The following LRRTM4 variants were observed in gnomAD, a reference collection of about 807,000 sequenced individuals.
LRRTM4 encodes the protein leucine-rich repeat transmembrane neuronal protein 4.
A neutral mutation model predicts 47.6 loss-of-function variants in LRRTM4; 25 were observed. That is an observed-to-expected ratio of 0.53 (90% CI 0.38 to 0.73). LRRTM4 has a LOEUF of 0.73. Among genes scored for constraint, LRRTM4 ranks in the 30% least tolerant of loss-of-function variants. The probability of loss-of-function intolerance (pLI) is 0.00; values close to 1 mark genes in which losing one functional copy is unlikely to be tolerated. For synonymous variants in LRRTM4, 311 were observed against 269.5 expected (o/e 1.15, Z -1.51); for missense variants, 638 against 713.4 (o/e 0.89, Z 1.20).
intron 3 of LRRTM4, among the ~76,000 whole-genome samples, chr2:77,070,137 T>C (rs1400285302): frequency 6.6e-6 from 1 of 152,106 alleles, no homozygotes; most frequent in Non-Finnish European, 1.5e-5. Flanking sequence ...TATTTTATTT[T>C]TGGCAAAAAT....
intron 3 of LRRTM4, among the ~76,000 whole-genome samples, chr2:76,994,607 C>G (rs551437307): frequency 6.6e-6 from 1 of 151,994 alleles, no homozygotes; most frequent in South Asian, 2.1e-4. Flanking sequence ...AATTTCAAAT[C>G]CTGCATCATT....
intron 3 of LRRTM4, among the ~76,000 whole-genome samples, chr2:77,254,498 G>A (rs2104022127): frequency 6.6e-6 from 1 of 151,902 alleles, no homozygotes; most frequent in East Asian, 1.9e-4. Flanking sequence ...AAGGAAGGAT[G>A]AAAAATAGGA....
intron 3 of LRRTM4, among the ~76,000 whole-genome samples, chr2:76,810,005 T>TGGAG (rs1670686439): frequency 6.6e-6 from 1 of 152,202 alleles, no homozygotes; most frequent in Non-Finnish European, 1.5e-5. Context: ...CCATTCTGCT[T>TGGAG]TACATTTCTT....
chr2:77,023,322 CA>C (rs1336043999), intron 3 of LRRTM4, among the ~76,000 whole-genome samples: 1 of 152,150 alleles, frequency 6.6e-6, no homozygotes, highest in Non-Finnish European at 1.5e-5. Context: ...GAGGCTGCCG[CA>C]AAGGTCTCTT....
intron 3 of LRRTM4, among the ~76,000 whole-genome samples, chr2:77,413,078 G>A (rs1210481332): frequency 6.6e-6 from 1 of 152,060 alleles, no homozygotes; most frequent in East Asian, 1.9e-4. Context: ...CAACTATAGG[G>A]GTGATTTGCT....
At chr2:76,963,530 T>A (rs556459749) in intron 3 of LRRTM4, among the ~76,000 whole-genome samples, 2 of 151,072 alleles carry the variant, frequency 1.3e-5, no homozygotes, top group East Asian at 3.9e-4. Flanking sequence ...ATTTAAGAAA[T>A]TCAAATTAAT....
At chr2:77,018,872 C>T (rs545265018) in intron 3 of LRRTM4, among the ~76,000 whole-genome samples, 1 of 152,050 alleles carries the variant, frequency 6.6e-6, no homozygotes, top group South Asian at 2.1e-4. Context: ...CTTTAAGGTA[C>T]AGGAATATTT....
At chr2:77,192,364 G>A (rs1558626889) in intron 3 of LRRTM4, among the ~76,000 whole-genome samples, 1 of 151,658 alleles carries the variant, frequency 6.6e-6, no homozygotes, top group Non-Finnish European at 1.5e-5. Context: ...ACCATAATGA[G>A]CAATTATATT....
In LRRTM4 at chr2:77,142,958, C is replaced by T. The variant is rs181100023; in HGVS notation, c.1551+375360G>A. Among the ~76,000 whole-genome samples the T allele has an allele frequency of 2.1e-4, 32 of 152,218 alleles. No homozygotes were observed. The East Asian group carries it at 4.6e-3, about 22-fold the overall frequency. Reference sequence around the variant, plus strand: ...GTTTTTAGTTCAGGGAGTTGTGCTTCGTTAAAGGATTGCATTCTTCCTATA... The same window carrying T: ...GTTTTTAGTTCAGGGAGTTGTGCTTTGTTAAAGGATTGCATTCTTCCTATA... On this transcript the variant is annotated intron_variant, in intron 3 of 3. Transcript: ENST00000409884.
chr2:77,256,283 C>A (rs1260644800), intron 3 of LRRTM4, among the ~76,000 whole-genome samples: 1 of 152,066 alleles, frequency 6.6e-6, no homozygotes, highest in Non-Finnish European at 1.5e-5. Flanking sequence ...TTTTAAAATA[C>A]TAAAAAATAA....
At chr2:77,511,287 C>G (rs1678977084) in intron 3 of LRRTM4, among the ~76,000 whole-genome samples, 1 of 151,954 alleles carries the variant, frequency 6.6e-6, no homozygotes, top group Non-Finnish European at 1.5e-5. Context: ...CAATTATCAG[C>G]CTGTATTCAA....
intron 3 of LRRTM4, among the ~76,000 whole-genome samples, chr2:77,002,581 G>C (rs1677474171): frequency 6.6e-6 from 1 of 152,026 alleles, no homozygotes; most frequent in Admixed American, 6.6e-5. Context: ...TTTCATAGAA[G>C]CCAGAGCATT....
At chr2:77,248,606 G>A (rs1675515539) in intron 3 of LRRTM4, among the ~76,000 whole-genome samples, 1 of 151,890 alleles carries the variant, frequency 6.6e-6, no homozygotes, top group Non-Finnish European at 1.5e-5. Flanking sequence ...TGAAGGAGAA[G>A]AACAAATTTG....
In LRRTM4 at chr2:76,771,489, C is replaced by T. The variant is rs144031803; in HGVS notation, c.1552-22573G>A. 2.0e-5 allele frequency among the ~76,000 whole-genome samples: 3 copies of T among 152,048 alleles called. No individual in the cohort carries two copies. In the East Asian group the frequency reaches 5.8e-4, roughly 29 times the overall value. ...CAGTAGCAAGGGCTCCAGGAGGAAC[C>T]CCTTTAACCACTGAGCTCCCACCAC... is the stretch of plus-strand genomic sequence containing the variant. On this transcript the variant is annotated intron_variant, in intron 3 of 3. Coordinates refer to ENST00000409884, the MANE Select transcript of LRRTM4 (RefSeq NM_001134745.3).
At chr2:76,749,013 G>A in intron 3 of LRRTM4, 97 bp from the exon 4 acceptor site, 1 of 895,718 alleles carries the variant, frequency 1.1e-6, no homozygotes, top group South Asian at 1.6e-5. Context: ...CTTTCATGCT[G>A]TTTCAAGTCA....
chr2:77,338,122 C>A (rs1671231775), intron 3 of LRRTM4, among the ~76,000 whole-genome samples: 1 of 151,922 alleles, frequency 6.6e-6, no homozygotes, highest in Admixed American at 6.6e-5. Context: ...AATATAAACC[C>A]CAAACTATAC....
chr2:76,807,341 AAG>A (rs200287880), intron 3 of LRRTM4, among the ~76,000 whole-genome samples: 1,850 of 148,386 alleles, frequency 0.012, 50 homozygotes, highest in African/African-American at 0.043. Context: ...AGATAGTTGT[AAG>A]TAAATATGTT....
rs1367284627 is a variant in LRRTM4 at position 76,793,471 on chromosome 2, C to CT, written c.1552-44556dup. Among the ~76,000 whole-genome samples, 3 of 152,156 alleles carry CT rather than the reference C, an allele frequency of 2.0e-5. No homozygotes were observed. The East Asian group carries it at 5.8e-4, about 29-fold the overall frequency. On this transcript the variant is annotated intron_variant, in intron 3 of 3. Coordinates refer to ENST00000409884, the MANE Select transcript of LRRTM4 (RefSeq NM_001134745.3). ...TTTTTTCAGACTGACTTTGTTCTAT[C>CT]TACTTTAAGATAAGTAGGATTTTGA...
intron 3 of LRRTM4, among the ~76,000 whole-genome samples, chr2:76,799,678 G>GT (rs1675550128): frequency 7.6e-6 from 1 of 131,278 alleles, no homozygotes; most frequent in Non-Finnish European, 1.6e-5. Flanking sequence ...GTTTGCGGAT[G>GT]ACATGATTGT....
Sources: allele counts gnomAD v4.1 joint callset (sites outside exome capture counted in the v4.1 genomes callset), GRCh38; gene constraint gnomAD v4.1.1; transcripts MANE v1.5; gene names NCBI Gene and HGNC (gene_info 2026-07-23, HGNC 2026-07-21).